CEP128: variants seen among roughly 807,000 people sequenced by gnomAD.
CEP128 encodes the protein centrosomal protein 128kDa.
CEP128 carries 132 observed loss-of-function variants against 156.7 expected under a neutral mutation model. The observed-to-expected ratio is 0.84, with a 90% confidence interval of 0.73 to 0.97. The LOEUF (loss-of-function observed/expected upper bound fraction) is 0.97, where lower values mean the gene tolerates loss of function less well. CEP128 is among the 50% of genes least tolerant of loss of function. The probability of loss-of-function intolerance (pLI) is 0.00; values close to 1 mark genes in which losing one functional copy is unlikely to be tolerated. For missense variants in CEP128, 1,252 were observed against 1,281.9 expected (o/e 0.98, Z 0.36); for synonymous variants, 469 against 448.9 (o/e 1.04, Z -0.57).
In CEP128 at chr14:80,801,604, A is replaced by G. The variant is rs564801214; in HGVS notation, c.1210-8494T>C. Among the ~76,000 whole-genome samples the G allele has an allele frequency of 1.1e-4, 16 of 152,220 alleles. No individual in the cohort carries two copies. The South Asian group carries it at 3.1e-3, about 30-fold the overall frequency. On this transcript the variant is annotated intron_variant, in intron 13 of 24. Coordinates refer to ENST00000555265, the MANE Select transcript of CEP128 (RefSeq NM_152446.5). ...GACAACATTTATGTGGCAAACAAACATAAGAAAAAACAACTCAACATCGGT... is the reference window on the plus strand; with the variant it reads ...GACAACATTTATGTGGCAAACAAACGTAAGAAAAAACAACTCAACATCGGT...
At chr14:80,925,260 A>C (rs1458970825) in intron 2 of CEP128, among the ~76,000 whole-genome samples, 1 of 152,124 alleles carries the variant, frequency 6.6e-6, no homozygotes, top group Admixed American at 6.5e-5. Context: ...ATGCACAGTG[A>C]GAAAAGAAGT....
In CEP128 at chr14:80,780,469, T is replaced by C. The variant is rs773026246; in HGVS notation, c.2212-2423A>G. 6.6e-5 allele frequency among the ~76,000 whole-genome samples: 10 copies of C among 152,198 alleles called. No homozygotes were observed. In the East Asian group the frequency reaches 9.6e-4, roughly 15 times the overall value. On this transcript the variant is annotated intron_variant, in intron 15 of 24. Coordinates refer to ENST00000555265, the MANE Select transcript of CEP128 (RefSeq NM_152446.5). ...CAATCTCTGGCCATTCTTCCAACTC[T>C]AGAGCAACTTCAATACCACATTAGG...
At chr14:80,523,980 A>C (rs1327150322) in intron 23 of CEP128, among the ~76,000 whole-genome samples, 2 of 152,206 alleles carry the variant, frequency 1.3e-5, no homozygotes, top group Non-Finnish European at 2.9e-5. Context: ...TATATGAATA[A>C]ATGAGTGTGG....
At chr14:80,537,353 C>T (rs527420461) in intron 21 of CEP128, among the ~76,000 whole-genome samples, 2 of 151,920 alleles carry the variant, frequency 1.3e-5, no homozygotes, top group South Asian at 2.1e-4. Context: ...CCTTTCAATA[C>T]GAAAACACCA....
intron 8 of CEP128, among the ~76,000 whole-genome samples, chr14:80,889,355 T>C (rs976361857): frequency 2.0e-5 from 3 of 152,172 alleles, no homozygotes; most frequent in African/African-American, 7.2e-5. Context: ...GCTGGAGGCA[T>C]GACTCTACCT....
At chr14:80,713,324 C>T (rs1363177058) in intron 19 of CEP128, among the ~76,000 whole-genome samples, 1 of 152,110 alleles carries the variant, frequency 6.6e-6, no homozygotes, top group Non-Finnish European at 1.5e-5. Flanking sequence ...TATACTACGA[C>T]TTCTGTCTTT....
intron 19 of CEP128, among the ~76,000 whole-genome samples, chr14:80,593,328 G>C (rs1488580569): frequency 1.3e-5 from 2 of 152,054 alleles, no homozygotes; most frequent in Non-Finnish European, 2.9e-5. Flanking sequence ...ACAAGGTCAG[G>C]AGATCGAGAC....
At chr14:80,757,021 T>A (rs963393340) in intron 17 of CEP128, 70 bp from the exon 18 acceptor site, 4 of 1,039,216 alleles carry the variant, frequency 3.8e-6, no homozygotes, top group Non-Finnish European at 4.3e-6. Flanking sequence ...ATGAAATTCT[T>A]CACCACAGTA....
intron 19 of CEP128, among the ~76,000 whole-genome samples, chr14:80,652,762 A>G (rs1270659016): frequency 6.6e-6 from 1 of 152,192 alleles, no homozygotes; most frequent in African/African-American, 2.4e-5. Flanking sequence ...TTATTCAACC[A>G]TTGTGGAAGA....
chr14:80,819,956 A>C (rs992990201), intron 13 of CEP128, among the ~76,000 whole-genome samples: 1 of 152,196 alleles, frequency 6.6e-6, no homozygotes, highest in East Asian at 1.9e-4. Flanking sequence ...ACTACATATG[A>C]AATTATATAA....
At chr14:80,678,064 G>GTATATATATATATATATATATGTA (rs1274703937) in intron 19 of CEP128, among the ~76,000 whole-genome samples, 1 of 27,450 alleles carries the variant, frequency 3.6e-5, no homozygotes, top group African/African-American at 9.4e-5. Context: ...ATATATATAT[G>GTATATATATATATATATATATGTA]TATATATATA....
In CEP128 at chr14:80,838,207, A is replaced by G; in HGVS notation, c.921T>C (p.His307=). The G allele has an allele frequency of 6.2e-7, 1 of 1,608,122 alleles. No individual in the cohort carries two copies. The highest frequency in any genetic ancestry group is 8.5e-7 in the Non-Finnish European group (1 of 1,174,676). ...QSEGSRETLL[H]QVEELRTQLT... ...ATAATAACTTGCATAGACTTACCTG[A>G]TGCAAAAGTGTTTCTCGGCTGCCTT... Residue 307 remains histidine, a synonymous_variant, in exon 11 of 25, where the codon CAT becomes CAC. Coordinates refer to ENST00000555265, the MANE Select transcript of CEP128 (RefSeq NM_152446.5).
chr14:80,676,268 C>T (rs1286070634), intron 19 of CEP128, among the ~76,000 whole-genome samples: 2 of 151,998 alleles, frequency 1.3e-5, no homozygotes, highest in Non-Finnish European at 2.9e-5. Context: ...GTACACATTA[C>T]ACATCTTTTG....
At chr14:80,873,358 T>A (rs74540322) in intron 8 of CEP128, among the ~76,000 whole-genome samples, 8,992 of 152,300 alleles carry the variant, frequency 0.059, 438 homozygotes, top group Non-Finnish European at 0.089. Context: ...ACATTTTAAA[T>A]ACAAAGTAAA....
At chr14:80,694,266 TG>T (rs1896813430) in intron 19 of CEP128, among the ~76,000 whole-genome samples, 1 of 152,192 alleles carries the variant, frequency 6.6e-6, no homozygotes, top group Non-Finnish European at 1.5e-5. Context: ...CAACAGATGC[TG>T]GAGAGGATGT....
chr14:80,573,573 G>T (rs375737746), intron 20 of CEP128, among the ~76,000 whole-genome samples: 26 of 152,136 alleles, frequency 1.7e-4, no homozygotes, highest in African/African-American at 6.0e-4. Context: ...TTAATATTAA[G>T]TTGCAAATTT....
intron 22 of CEP128, among the ~76,000 whole-genome samples, chr14:80,530,233 T>C (rs931543229): frequency 1.3e-5 from 2 of 152,242 alleles, no homozygotes; most frequent in African/African-American, 4.8e-5. Flanking sequence ...GCAGCAGAGA[T>C]ATTTGTTTTG....
intron 21 of CEP128, among the ~76,000 whole-genome samples, chr14:80,540,951 A>C (rs578213213): frequency 6.6e-6 from 1 of 152,290 alleles, no homozygotes; most frequent in South Asian, 2.1e-4. Context: ...TTGGCTGTAA[A>C]CTTCTGAAAA....
chr14:80,591,330 A>C (rs186963524), intron 19 of CEP128, among the ~76,000 whole-genome samples: 3 of 152,230 alleles, frequency 2.0e-5, no homozygotes, highest in Non-Finnish European at 4.4e-5. Flanking sequence ...AAGCAAATGG[A>C]AAGAAAAAAA....
Sources: gnomAD v4.1 joint callset for allele counts (sites outside exome capture counted in the v4.1 genomes callset) on GRCh38, gnomAD v4.1.1 for gene constraint, MANE v1.5 for transcripts, NCBI Gene and HGNC (gene_info 2026-07-23, HGNC 2026-07-21) for gene names.